Variants in ELF1 observed in about 807,000 individuals in gnomAD.
ELF1 encodes E74 like ETS transcription factor 1.
In ELF1, 24 loss-of-function variants were observed where a neutral mutation model predicts 59.9. The observed-to-expected ratio is 0.40, with a 90% CI of 0.29 to 0.56. ELF1 has a LOEUF of 0.56. Among genes scored for constraint, ELF1 ranks in the 20% least tolerant of loss-of-function variants. The pLI, the probability that ELF1 is intolerant of heterozygous loss-of-function variation, is 0.44. For missense variants in ELF1, 627 were observed against 742.2 expected (o/e 0.84, Z 1.80); for synonymous variants, 248 against 266.2 (o/e 0.93, Z 0.67).
chr13:40,983,494 T>C (rs900906277), intron 1 of ELF1, among the ~76,000 whole-genome samples: 2 of 152,162 alleles, frequency 1.3e-5, no homozygotes, highest in Admixed American at 6.5e-5. Flanking sequence ...GTGATTTTCC[T>C]AGCAAGAACT....
intron 1 of ELF1, among the ~76,000 whole-genome samples, chr13:40,993,673 AGG>A (rs1393677646): frequency 1.3e-5 from 2 of 151,982 alleles, no homozygotes; most frequent in Admixed American, 1.3e-4. Flanking sequence ...TTTGTAGAGA[AGG>A]GGTCTCATCA....
At chr13:40,999,385 T>TGTGCGTGTATGC (rs1874287705) in intron 1 of ELF1, among the ~76,000 whole-genome samples, 1 of 152,188 alleles carries the variant, frequency 6.6e-6, no homozygotes, top group South Asian at 2.1e-4. Flanking sequence ...ATATTGTGTC[T>TGTGCGTGTATGC]GTGCGTGTAT....
rs1024165887 is a variant in ELF1, at chr13:40,983,940, A to G, written c.-228-1658T>C. Among the ~76,000 whole-genome samples the G allele has an allele frequency of 3.9e-5, 6 of 152,278 alleles. No individual in the cohort carries two copies. The East Asian group carries it at 1.2e-3, about 29-fold the overall frequency. On this transcript the variant is annotated intron_variant, in intron 1 of 8. Transcript: ENST00000239882. ...TCCCATCTTTTCCATTCAATGCTCAAGCCCCATTTATTTCACAAAGCCTCC... is the reference window on the plus strand; with the variant it reads ...TCCCATCTTTTCCATTCAATGCTCAGGCCCCATTTATTTCACAAAGCCTCC...
chr13:40,995,076 T>C (rs1874062694), intron 1 of ELF1, among the ~76,000 whole-genome samples: 1 of 152,196 alleles, frequency 6.6e-6, no homozygotes, highest in African/African-American at 2.4e-5. Context: ...TATTCTGTTA[T>C]AAGAAGTTTC....
chr13:41,043,521 T>C (rs555803699), intron 1 of ELF1, among the ~76,000 whole-genome samples: 1 of 152,364 alleles, frequency 6.6e-6, no homozygotes, highest in South Asian at 2.1e-4. Flanking sequence ...TTTCTACATA[T>C]GTCTAGCCAG....
chr13:40,965,654 C>T (rs1872130477), intron 2 of ELF1, among the ~76,000 whole-genome samples: 1 of 151,974 alleles, frequency 6.6e-6, no homozygotes, highest in Non-Finnish European at 1.5e-5. Flanking sequence ...GGTTTCAATG[C>T]TTCTTTGATG....
rs925280826 is a variant in ELF1, at chr13:40,952,363, T to G, written c.254-927A>C. Among the ~76,000 whole-genome samples the G allele has an allele frequency of 1.1e-4, 12 of 104,602 alleles. No homozygotes were observed. The South Asian group carries it at 1.3e-3, about 11-fold the overall frequency. The allele number at this position is 104,602 out of a possible 152,430, so 68.6% of individuals were successfully genotyped here. A position where few individuals can be genotyped will look rare whatever the true frequency, so the allele number is the denominator to read the frequency against. On this transcript the variant is annotated intron_variant, in intron 3 of 8. Transcript: ENST00000239882. ...TCATAAAATCATTAAATCTTTTTGG[T>G]TTTGCTTTTTTTTTTTGAGACAAGG...
At chr13:41,035,272 C>T (rs769508335) in intron 1 of ELF1, among the ~76,000 whole-genome samples, 16 of 152,180 alleles carry the variant, frequency 1.1e-4, no homozygotes, top group Admixed American at 4.6e-4. Flanking sequence ...CATTACATTC[C>T]GTATCATTTG....
Position 40,953,167 on chromosome 13 carries a change from G to A in ELF1, c.254-1731C>T, listed in dbSNP as rs563981229. Among the ~76,000 whole-genome samples the A allele has an allele frequency of 1.7e-3, 266 of 152,056 alleles. 1 individual carries two copies. Among genetic ancestry groups the A allele is most frequent in the African/African-American group, 6.3e-3 (261 of 41,466 alleles). ...AATTCTGTATTTTCAGTAGAGACGG[G>A]ATTTCTCCATGTTGGTCAGGCTGGT... is the stretch of plus-strand genomic sequence containing the variant. On this transcript the variant is annotated intron_variant, in intron 3 of 8. Transcript: ENST00000239882.
chr13:40,994,656 TAAAC>T (rs1874041652), intron 1 of ELF1, among the ~76,000 whole-genome samples: 1 of 151,198 alleles, frequency 6.6e-6, no homozygotes, highest in Non-Finnish European at 1.5e-5. Flanking sequence ...AAGAAAGAAA[TAAAC>T]AAGCGAAATA....
chr13:41,012,016 G>T (rs1875092114), intron 1 of ELF1, among the ~76,000 whole-genome samples: 1 of 152,030 alleles, frequency 6.6e-6, no homozygotes, highest in African/African-American at 2.4e-5. Context: ...AGATAAAAAT[G>T]TATTATGAGG....
intron 1 of ELF1, among the ~76,000 whole-genome samples, chr13:41,010,429 C>A (rs945362157): frequency 6.6e-6 from 1 of 151,210 alleles, no homozygotes; most frequent in Non-Finnish European, 1.5e-5. Flanking sequence ...CTAGCCTAGG[C>A]GAGAGGGCTA....
intron 1 of ELF1, among the ~76,000 whole-genome samples, chr13:41,002,903 A>C (rs1024591622): frequency 6.6e-6 from 1 of 152,176 alleles, no homozygotes; most frequent in African/African-American, 2.4e-5. Context: ...TGAAAACAAA[A>C]GACATATAAT....
chr13:40,956,637 T>C (rs1455070248), intron 3 of ELF1, among the ~76,000 whole-genome samples: 1 of 150,826 alleles, frequency 6.6e-6, no homozygotes, highest in Admixed American at 6.6e-5. Context: ...AATATAATTG[T>C]TTTTGCCTGG....
chr13:41,037,194 A>T (rs1341398674), intron 1 of ELF1, among the ~76,000 whole-genome samples: 1 of 152,120 alleles, frequency 6.6e-6, no homozygotes, highest in Non-Finnish European at 1.5e-5. Context: ...ACAATGTGCT[A>T]AGTGTCATAT....
chr13:41,058,539 T>C (rs1047481668), intron 1 of ELF1, among the ~76,000 whole-genome samples: 7 of 152,230 alleles, frequency 4.6e-5, no homozygotes, highest in Non-Finnish European at 1.0e-4. Context: ...AAATCTGTGT[T>C]TTATACAGAG....
At chr13:41,040,383 C>T (rs1876556248) in intron 1 of ELF1, among the ~76,000 whole-genome samples, 1 of 152,082 alleles carries the variant, frequency 6.6e-6, no homozygotes. Context: ...AGTTACAAAA[C>T]AGTATGTGAT....
chr13:41,052,464 A>C (rs897923841), intron 1 of ELF1, among the ~76,000 whole-genome samples: 2 of 152,242 alleles, frequency 1.3e-5, no homozygotes, highest in Non-Finnish European at 2.9e-5. Context: ...CAAAACCATT[A>C]AAGAAGACTA....
At chr13:40,959,161 TA>T in intron 2 of ELF1, 145 bp from the exon 3 acceptor site, 1 of 1,240,406 alleles carries the variant, frequency 8.1e-7, no homozygotes, top group Admixed American at 3.3e-5. Flanking sequence ...TTCTAGGCAT[TA>T]GGTAATTTGT....
Sources: gnomAD v4.1 joint callset for allele counts (sites outside exome capture counted in the v4.1 genomes callset) on GRCh38, gnomAD v4.1.1 for gene constraint, MANE v1.5 for transcripts, NCBI Gene and HGNC (gene_info 2026-07-23, HGNC 2026-07-21) for gene names.